SLC9A9: variants seen among roughly 807,000 people sequenced by gnomAD.
SLC9A9 encodes solute carrier family 9 member A9.
In SLC9A9, 62 loss-of-function variants were observed where a neutral mutation model predicts 77.8. That is an observed-to-expected ratio of 0.80 (90% CI 0.65 to 0.98). The LOEUF is 0.98. Among genes scored for constraint, SLC9A9 ranks in the 50% least tolerant of loss-of-function variants. The pLI, the probability that SLC9A9 is intolerant of heterozygous loss-of-function variation, is 0.00. For missense variants in SLC9A9, 775 were observed against 774.9 expected (o/e 1.00, Z 0.00); for synonymous variants, 320 against 283.5 (o/e 1.13, Z -1.29).
intron 4 of SLC9A9, among the ~76,000 whole-genome samples, chr3:143,749,279 G>A (rs923702234): frequency 1.3e-5 from 2 of 152,080 alleles, no homozygotes; most frequent in Non-Finnish European, 2.9e-5. Flanking sequence ...TGATCTAGAT[G>A]TTTTCTTTCT....
At chr3:143,617,072 G>A (rs1263049552) in intron 6 of SLC9A9, among the ~76,000 whole-genome samples, 1 of 152,154 alleles carries the variant, frequency 6.6e-6, no homozygotes, top group African/African-American at 2.4e-5. Context: ...CAAGACAGGT[G>A]TTTTGCATTC....
intron 6 of SLC9A9, among the ~76,000 whole-genome samples, chr3:143,595,705 A>G (rs2037740720): frequency 6.6e-6 from 1 of 152,244 alleles, no homozygotes; most frequent in Non-Finnish European, 1.5e-5. Flanking sequence ...AAAATTAGCC[A>G]TGATTGGCAG....
At chr3:143,619,278 G>T (rs1299707638) in intron 6 of SLC9A9, among the ~76,000 whole-genome samples, 6 of 152,174 alleles carry the variant, frequency 3.9e-5, no homozygotes, top group Admixed American at 3.9e-4. Flanking sequence ...GTTTTTAAGA[G>T]AACTTGTCAT....
chr3:143,384,248 ACC>A (rs1461356759), intron 12 of SLC9A9, among the ~76,000 whole-genome samples: 7 of 152,010 alleles, frequency 4.6e-5, no homozygotes, highest in Non-Finnish European at 8.8e-5. Context: ...CGACAGTGGG[ACC>A]CAGGTGTGGA....
chr3:143,830,739 A>C (rs953133536), intron 2 of SLC9A9, among the ~76,000 whole-genome samples: 1 of 152,214 alleles, frequency 6.6e-6, no homozygotes, highest in Non-Finnish European at 1.5e-5. Context: ...TATGTTGCTA[A>C]CAAGTTTAAA....
At chr3:143,843,766 T>A (rs1245998092) in intron 1 of SLC9A9, among the ~76,000 whole-genome samples, 1 of 152,202 alleles carries the variant, frequency 6.6e-6, no homozygotes, top group African/African-American at 2.4e-5. Flanking sequence ...AGGAGCAAAT[T>A]TCTTTTATGA....
At chr3:143,699,801 G>A (rs1437855047) in intron 4 of SLC9A9, among the ~76,000 whole-genome samples, 1 of 151,978 alleles carries the variant, frequency 6.6e-6, no homozygotes, top group Non-Finnish European at 1.5e-5. Context: ...TGCTGAACTG[G>A]GCTCAGAGCC....
chr3:143,838,642 T>C (rs1390426460), intron 1 of SLC9A9, among the ~76,000 whole-genome samples: 1 of 152,192 alleles, frequency 6.6e-6, no homozygotes, highest in Non-Finnish European at 1.5e-5. Context: ...AGTTCAGGAA[T>C]TCCAAGATGA....
intron 1 of SLC9A9, among the ~76,000 whole-genome samples, chr3:143,839,527 C>T (rs1386822935): frequency 1.5e-5 from 2 of 137,794 alleles, no homozygotes; most frequent in Admixed American, 7.3e-5. Context: ...CACACACACA[C>T]ATCACAAGCG....
chr3:143,810,263 A>G (rs920696904), intron 2 of SLC9A9, among the ~76,000 whole-genome samples: 21 of 152,218 alleles, frequency 1.4e-4, no homozygotes, highest in African/African-American at 4.6e-4. Flanking sequence ...GTTCATCAGA[A>G]GGTTACAGAT....
intron 9 of SLC9A9, among the ~76,000 whole-genome samples, chr3:143,513,138 A>G (rs557418022): frequency 1.3e-5 from 2 of 152,256 alleles, no homozygotes; most frequent in South Asian, 4.1e-4. Context: ...TTTACAAAAG[A>G]TTTTTCTGTA....
chr3:143,747,404 CAAA>C (rs1003997379), intron 4 of SLC9A9, among the ~76,000 whole-genome samples: 4 of 51,712 alleles, frequency 7.7e-5, no homozygotes, highest in Admixed American at 2.0e-4. Flanking sequence ...AACTCCATCT[CAAA>C]AAAAAAAAAA....
intron 14 of SLC9A9, among the ~76,000 whole-genome samples, chr3:143,280,772 C>T (rs948804947): frequency 6.6e-6 from 1 of 152,008 alleles, no homozygotes; most frequent in African/African-American, 2.4e-5. Context: ...AGGCTGGTCT[C>T]GAACTCCTGA....
intron 12 of SLC9A9, among the ~76,000 whole-genome samples, chr3:143,433,273 A>G (rs1045344510): frequency 2.6e-5 from 4 of 152,164 alleles, no homozygotes; most frequent in Non-Finnish European, 5.9e-5. Context: ...GAAGCTTTTT[A>G]AAAGAGATGG....
At chr3:143,822,846 C>G (rs1430892879) in intron 2 of SLC9A9, among the ~76,000 whole-genome samples, 1 of 152,206 alleles carries the variant, frequency 6.6e-6, no homozygotes, top group Non-Finnish European at 1.5e-5. Context: ...GTTCTTTGCT[C>G]AGGCTCCTTT....
intron 14 of SLC9A9, among the ~76,000 whole-genome samples, chr3:143,299,997 A>G (rs905913543): frequency 4.6e-5 from 7 of 152,200 alleles, no homozygotes; most frequent in African/African-American, 1.7e-4. Flanking sequence ...AGAGATCGCT[A>G]ATCTTTTCTC....
chr3:143,395,695 G>C (rs1355803078), intron 12 of SLC9A9, among the ~76,000 whole-genome samples: 4 of 152,106 alleles, frequency 2.6e-5, no homozygotes, highest in South Asian at 2.1e-4. Context: ...TTGCAATCTA[G>C]TCATCTGACG....
intron 4 of SLC9A9, among the ~76,000 whole-genome samples, chr3:143,740,734 T>C (rs188111257): frequency 1.3e-5 from 2 of 152,214 alleles, no homozygotes; most frequent in East Asian, 3.9e-4. Context: ...TTAAAGGGGA[T>C]AGGAGAAAAG....
intron 2 of SLC9A9, among the ~76,000 whole-genome samples, chr3:143,803,671 C>T (rs190111692): frequency 1.6e-4 from 25 of 152,290 alleles, no homozygotes; most frequent in African/African-American, 5.3e-4. Context: ...TTATGCCACC[C>T]TCTATCTCTC....
Sources: gnomAD v4.1 joint callset for allele counts (sites outside exome capture counted in the v4.1 genomes callset) on GRCh38, gnomAD v4.1.1 for gene constraint, MANE v1.5 for transcripts, NCBI Gene and HGNC (gene_info 2026-07-23, HGNC 2026-07-21) for gene names.